Variants in TSPAN12 observed in about 807,000 individuals in gnomAD.
TSPAN12 encodes tetraspanin-12.
TSPAN12 carries 19 observed loss-of-function variants against 39.2 expected under a neutral mutation model. That is an observed-to-expected ratio of 0.49 (90% CI 0.34 to 0.71). The LOEUF is 0.71. Among genes scored for constraint, TSPAN12 ranks in the 30% least tolerant of loss-of-function variants. The probability of loss-of-function intolerance (pLI) is 0.01; values close to 1 mark genes in which losing one functional copy is unlikely to be tolerated. For synonymous variants in TSPAN12, 119 were observed against 124.8 expected (o/e 0.95, Z 0.31); for missense variants, 314 against 359.9 (o/e 0.87, Z 1.03).
chr7:120,823,584 A>G (rs889798188), intron 4 of TSPAN12, among the ~76,000 whole-genome samples: 20 of 152,160 alleles, frequency 1.3e-4, no homozygotes, highest in African/African-American at 4.6e-4. Flanking sequence ...GATAGGAAGT[A>G]TGGTGGGTGA....
intron 6 of TSPAN12, among the ~76,000 whole-genome samples, chr7:120,809,270 T>G (rs1162328541): frequency 6.6e-6 from 1 of 152,152 alleles, no homozygotes; most frequent in Non-Finnish European, 1.5e-5. Flanking sequence ...TAACCTGGAT[T>G]ATCACTGTCT....
At chr7:120,824,266 A>G (rs1432073246) in intron 4 of TSPAN12, among the ~76,000 whole-genome samples, 1 of 145,678 alleles carries the variant, frequency 6.9e-6, no homozygotes, top group Admixed American at 6.9e-5. Flanking sequence ...CCCCATCTCT[A>G]CTAAAAATGC....
intron 4 of TSPAN12, among the ~76,000 whole-genome samples, chr7:120,822,097 T>G (rs1437990696): frequency 1.3e-5 from 2 of 152,076 alleles, no homozygotes; most frequent in Non-Finnish European, 2.9e-5. Context: ...ACTAGTCCCT[T>G]TGTCCACTGG....
chr7:120,806,476 C>A, intron 7 of TSPAN12, 73 bp downstream of exon 7: 2 of 1,550,882 alleles, frequency 1.3e-6, no homozygotes, highest in Non-Finnish European at 1.8e-6. Flanking sequence ...ATTTCATTGG[C>A]ATATTGTTGA....
intron 2 of TSPAN12, among the ~76,000 whole-genome samples, chr7:120,847,843 G>C (rs1013253664): frequency 6.6e-6 from 1 of 152,058 alleles, no homozygotes; most frequent in Non-Finnish European, 1.5e-5. Context: ...TACCCTTTAT[G>C]GTTCTTCTTC....
At chr7:120,808,551 C>A (rs376306081) in intron 6 of TSPAN12, among the ~76,000 whole-genome samples, 4 of 152,254 alleles carry the variant, frequency 2.6e-5, no homozygotes, top group African/African-American at 9.6e-5. Flanking sequence ...CTTTGACAGT[C>A]AAGTAGCTTG....
chr7:120,838,981 C>T, intron 3 of TSPAN12, 69 bp from the exon 4 acceptor site: 1 of 1,496,214 alleles, frequency 6.7e-7, no homozygotes. Flanking sequence ...TAGCAGAAGA[C>T]ACAACTGTGA....
rs764440915 is a variant in TSPAN12 at position 120,838,808 on chromosome 7, G to A, written c.254C>T (p.Thr85Met). 2.4e-5 allele frequency: 38 copies of A among 1,613,740 alleles called. No individual in the cohort carries two copies. Among genetic ancestry groups the A allele is most frequent in the Middle Eastern group, 1.6e-4 (1 of 6,078 alleles). The change falls in exon 4 of 8, where the codon ACG (threonine) becomes ATG (methionine). Residue 85 changes from threonine to methionine, a missense_variant. Physicochemically the swap from Thr to Met is moderately conservative, Grantham distance 81. Transcript: ENST00000222747. ...AAGAAGCAACAGATTTCTTTTCACC[G>A]TTCCACAATATCCTAACATCCCCAC... ...IIVGMLGYCG[T>M]VKRNLLLLAW...
intron 2 of TSPAN12, among the ~76,000 whole-genome samples, chr7:120,853,067 T>C (rs1308662907): frequency 6.6e-6 from 1 of 151,368 alleles, no homozygotes; most frequent in Non-Finnish European, 1.5e-5. Flanking sequence ...CATTTCATAC[T>C]ATTCTAACAA....
At chr7:120,831,318 G>A (rs958609071) in intron 4 of TSPAN12, among the ~76,000 whole-genome samples, 2 of 151,818 alleles carry the variant, frequency 1.3e-5, no homozygotes, top group Admixed American at 6.6e-5. Context: ...GAAATGAATA[G>A]GAATGCCACA....
At chr7:120,847,927 A>G (rs1034909242) in intron 2 of TSPAN12, among the ~76,000 whole-genome samples, 1 of 152,184 alleles carries the variant, frequency 6.6e-6, no homozygotes, top group African/African-American at 2.4e-5. Context: ...AGGGCACACC[A>G]GGCCCTCTTC....
At chr7:120,822,190 C>T (rs1214119736) in intron 4 of TSPAN12, among the ~76,000 whole-genome samples, 1 of 151,872 alleles carries the variant, frequency 6.6e-6, no homozygotes, top group Admixed American at 6.6e-5. Context: ...TGCATCCCCT[C>T]GTAGAAACAA....
chr7:120,848,344 AC>A (rs1429824304), intron 2 of TSPAN12, among the ~76,000 whole-genome samples: 1 of 152,100 alleles, frequency 6.6e-6, no homozygotes, highest in Admixed American at 6.5e-5. Context: ...TCCCCATCAC[AC>A]AGAAAAGTAC....
At chr7:120,806,027 C>G (rs544762402) in intron 7 of TSPAN12, among the ~76,000 whole-genome samples, 1 of 152,140 alleles carries the variant, frequency 6.6e-6, no homozygotes, top group South Asian at 2.1e-4. Flanking sequence ...TTGACTTTAC[C>G]GCCACTGAGC....
intron 7 of TSPAN12, among the ~76,000 whole-genome samples, chr7:120,791,421 A>G (rs186683083): frequency 1.7e-3 from 261 of 152,324 alleles, no homozygotes; most frequent in Non-Finnish European, 2.7e-3. Flanking sequence ...CAACGTGGTG[A>G]CTATAGTTAA....
intron 2 of TSPAN12, among the ~76,000 whole-genome samples, chr7:120,855,264 T>C (rs962737150): frequency 6.6e-6 from 1 of 152,176 alleles, no homozygotes; most frequent in Non-Finnish European, 1.5e-5. Flanking sequence ...ACTGCCACCA[T>C]TGGACTATCT....
At chr7:120,814,739 G>C (rs955858478) in intron 5 of TSPAN12, among the ~76,000 whole-genome samples, 1 of 152,148 alleles carries the variant, frequency 6.6e-6, no homozygotes, top group East Asian at 1.9e-4. Context: ...TGTTATGCTC[G>C]TTTATGCTAG....
chr7:120,807,013 C>T (rs1793888201), intron 6 of TSPAN12, among the ~76,000 whole-genome samples: 1 of 152,042 alleles, frequency 6.6e-6, no homozygotes, highest in South Asian at 2.1e-4. Context: ...CACTAACAAA[C>T]CCAAGTAGGT....
chr7:120,852,678 C>A (rs2116507273), intron 2 of TSPAN12, among the ~76,000 whole-genome samples: 1 of 152,328 alleles, frequency 6.6e-6, no homozygotes. Flanking sequence ...GACAGCTAAT[C>A]CCTTCCTTCT....
Sources: gnomAD v4.1 joint callset for allele counts (sites outside exome capture counted in the v4.1 genomes callset) on GRCh38, gnomAD v4.1.1 for gene constraint, MANE v1.5 for transcripts, NCBI Gene and HGNC (gene_info 2026-07-23, HGNC 2026-07-21) for gene names.